Variants in DAP observed in about 807,000 individuals in gnomAD.
The protein encoded by DAP is death associated protein.
In DAP, 8 loss-of-function variants were observed where a neutral mutation model predicts 13.8. The observed-to-expected ratio is 0.58, with a 90% CI of 0.34 to 1.05. The LOEUF is 1.05. Ranked by LOEUF, DAP falls within the 50% of genes least tolerant of loss-of-function variation. DAP has a pLI of 0.03. For missense variants in DAP, 106 were observed against 133.2 expected, an observed-to-expected ratio of 0.80 and a Z score of 1.01; for synonymous variants, 47 against 47.5, an observed-to-expected ratio of 0.99 and a Z score of 0.04.
intron 2 of DAP, among the ~76,000 whole-genome samples, chr5:10,703,114 C>CT (rs1317885083): frequency 1.3e-5 from 2 of 152,286 alleles, no homozygotes; most frequent in South Asian, 2.1e-4. Flanking sequence ...GTTGATTCCC[C>CT]TTATCACCAA....
intron 1 of DAP, among the ~76,000 whole-genome samples, chr5:10,759,744 C>CTTTTTTTTTTTTTTTTTTT (rs1169454640): frequency 2.3e-5 from 2 of 88,202 alleles, no homozygotes; most frequent in African/African-American, 4.5e-5. Flanking sequence ...TAATGGGAAT[C>CTTTTTTTTTTTTTTTTTTT]TTTTTTTTTT....
At chr5:10,743,196 T>G (rs1739804623) in intron 2 of DAP, among the ~76,000 whole-genome samples, 1 of 152,252 alleles carries the variant, frequency 6.6e-6, no homozygotes, top group Non-Finnish European at 1.5e-5. Flanking sequence ...TTATTGTCTT[T>G]AGCCTTATAG....
chr5:10,683,623 G>C lies in DAP; in HGVS notation c.153-52C>G, dbSNP rs75018013. ...ATTTAACAAAACAGTCCACAACAGG[G>C]AACACGGTGGCAGACGATGTGTATG... is the stretch of plus-strand genomic sequence containing the variant. On this transcript the variant is annotated intron_variant, in intron 2 of 3. Transcript: ENST00000230895. 1.0e-3 allele frequency: 1,610 copies of C among 1,568,360 alleles called. 43 individuals carry two copies. The East Asian group carries it at 0.033, about 32-fold the overall frequency.
chr5:10,696,961 T>C (rs950759877), intron 2 of DAP, among the ~76,000 whole-genome samples: 8 of 152,140 alleles, frequency 5.3e-5, no homozygotes, highest in Admixed American at 4.6e-4. Flanking sequence ...GCAGCAAAAA[T>C]GACTGCTTCC....
At chr5:10,734,800 A>G (rs1480305898) in intron 2 of DAP, among the ~76,000 whole-genome samples, 6 of 152,262 alleles carry the variant, frequency 3.9e-5, no homozygotes, top group African/African-American at 1.4e-4. Context: ...TGTGCTTAAG[A>G]AGGCAATTAT....
intron 2 of DAP, among the ~76,000 whole-genome samples, chr5:10,684,871 C>T (rs997206530): frequency 3.3e-5 from 5 of 152,116 alleles, no homozygotes; most frequent in Non-Finnish European, 5.9e-5. Context: ...ACAGCGCGAT[C>T]GATCGGGGAC....
chr5:10,745,162 T>C (rs1488088846), intron 2 of DAP, among the ~76,000 whole-genome samples: 3 of 152,182 alleles, frequency 2.0e-5, no homozygotes, highest in African/African-American at 7.2e-5. Flanking sequence ...TGGGAGTGCA[T>C]GGTGGTAAAA....
At chr5:10,710,272 T>C (rs139712691) in intron 2 of DAP, among the ~76,000 whole-genome samples, 242 of 152,286 alleles carry the variant, frequency 1.6e-3, no homozygotes, top group African/African-American at 5.6e-3. Context: ...CCAAATCCCC[T>C]GAAAAGTCCT....
At chr5:10,691,126 C>T (rs1484714400) in intron 2 of DAP, among the ~76,000 whole-genome samples, 3 of 152,290 alleles carry the variant, frequency 2.0e-5, no homozygotes, top group East Asian at 1.9e-4. Context: ...AACCAAAAGT[C>T]GCCCCCAAAA....
chr5:10,698,948 AT>A (rs1335065821), intron 2 of DAP, among the ~76,000 whole-genome samples: 2 of 152,126 alleles, frequency 1.3e-5, no homozygotes, highest in African/African-American at 4.8e-5. Flanking sequence ...AAAAAATGAA[AT>A]TTGCTTAGTT....
In DAP at chr5:10,682,909, C is replaced by G. The variant is rs141551768; in HGVS notation, c.195+620G>C. Among the ~76,000 whole-genome samples the G allele has an allele frequency of 3.3e-3, 496 of 152,348 alleles. 4 individuals carry two copies. Among genetic ancestry groups the G allele is most frequent in the African/African-American group, 0.011 (462 of 41,580 alleles). ...CTTAAGTTCAGATGTGCCACCACAG[C>G]TGTGAGCCAGGCCTGGGACGCTGGC... On this transcript the variant is annotated intron_variant, in intron 3 of 3. Transcript: ENST00000230895.
intron 1 of DAP, among the ~76,000 whole-genome samples, chr5:10,757,218 G>A (rs149830817): frequency 1.6e-3 from 247 of 152,162 alleles, no homozygotes; most frequent in African/African-American, 5.8e-3. Flanking sequence ...CTTTCCGGCC[G>A]CTCCCACTAG....
chr5:10,683,498 TCAAACCCACCGCAGACACTCC>T lies in DAP; in HGVS notation c.195+10_195+30del. ...GACTCCATGCTGCCATGCAAAAGCC[TCAAACCCACCGCAGACACTCC>T]CAGACTTACCCGGGCGATGACCCCA... is the stretch of plus-strand genomic sequence containing the variant. On this transcript the variant is annotated intron_variant, in intron 3 of 3. Coordinates refer to ENST00000230895, the MANE Select transcript of DAP (RefSeq NM_004394.3). 6.2e-7 allele frequency: 1 copy of T among 1,612,096 alleles called. No individual in the cohort carries two copies. Among genetic ancestry groups the T allele is most frequent in the East Asian group, 2.2e-5 (1 of 44,844 alleles).
intron 2 of DAP, among the ~76,000 whole-genome samples, chr5:10,733,198 GTGTGTGTGTA>G (rs751470513): frequency 0.22 from 14,938 of 66,638 alleles, 1,033 homozygotes; most frequent in Non-Finnish European, 0.32. Flanking sequence ...GTGTGTGTGT[GTGTGTGTGTA>G]TACCCTACAT....
chr5:10,714,514 C>T (rs921724979), intron 2 of DAP, among the ~76,000 whole-genome samples: 9 of 152,014 alleles, frequency 5.9e-5, no homozygotes, highest in South Asian at 4.2e-4. Context: ...ATACTTCTTA[C>T]GGCAAGAAAA....
Position 10,680,658 on chromosome 5 carries a change from A to T in DAP, c.*398T>A, listed in dbSNP as rs894648544. The T allele has an allele frequency of 6.7e-6, 9 of 1,345,550 alleles. No homozygotes were observed. In the African/African-American group the frequency reaches 1.0e-4, roughly 15 times the overall value. 83.4% of individuals were successfully genotyped at this position (1,345,550 alleles called of 1,614,324 possible). On this transcript the variant is annotated 3_prime_UTR_variant, in exon 4 of 4. Coordinates refer to ENST00000230895, the MANE Select transcript of DAP (RefSeq NM_004394.3). ...TGTTGAGATTTTATTGGCCCATACT[A>T]AAAAGCATGCAATGACTGAGGTTTT...
intron 2 of DAP, among the ~76,000 whole-genome samples, chr5:10,722,567 TAC>T (rs1350460805): frequency 1.4e-5 from 2 of 146,828 alleles, no homozygotes; most frequent in African/African-American, 2.5e-5. Context: ...TGCATATATA[TAC>T]ATACATACAT....
intron 2 of DAP, among the ~76,000 whole-genome samples, chr5:10,728,350 C>T (rs1739343596): frequency 6.6e-6 from 1 of 152,182 alleles, no homozygotes; most frequent in African/African-American, 2.4e-5. Flanking sequence ...GCTATCACTG[C>T]TACTTTTTAG....
chr5:10,749,891 G>A (rs906710995), intron 1 of DAP, among the ~76,000 whole-genome samples: 1 of 152,102 alleles, frequency 6.6e-6, no homozygotes, highest in Non-Finnish European at 1.5e-5. Context: ...TTTGGGGTCG[G>A]CACGTTCCTC....
Sources: gnomAD v4.1 joint callset for allele counts (sites outside exome capture counted in the v4.1 genomes callset) on GRCh38, gnomAD v4.1.1 for gene constraint, MANE v1.5 for transcripts, NCBI Gene and HGNC (gene_info 2026-07-23, HGNC 2026-07-21) for gene names.